Variants in PIGN observed in about 807,000 individuals in gnomAD.
PIGN encodes the protein phosphatidylinositol glycan anchor biosynthesis class N.
A neutral mutation model predicts 125.4 loss-of-function variants in PIGN; 117 were observed. The ratio of observed to expected loss-of-function variants is 0.93; its 90% CI spans 0.80 to 1.09. The LOEUF (loss-of-function observed/expected upper bound fraction) is 1.09. PIGN is among the 50% of genes least tolerant of loss of function. The pLI is 0.00. For synonymous variants in PIGN, 392 were observed against 377.8 expected (o/e 1.04, Z -0.44); for missense variants, 1,075 against 1,094.9 (o/e 0.98, Z 0.26).
intron 28 of PIGN, chr18:62,075,043 A>G (rs1370650434): frequency 5.5e-6 from 2 of 366,132 alleles, no homozygotes; most frequent in Non-Finnish European, 1.0e-5. Context: ...TATTTATTTC[A>G]GTAAAATGAA....
intron 17 of PIGN, among the ~76,000 whole-genome samples, chr18:62,107,764 T>A (rs1260547655): frequency 3.3e-5 from 5 of 152,184 alleles, no homozygotes; most frequent in Non-Finnish European, 5.9e-5. Flanking sequence ...AAAAATTTTT[T>A]AAAATTCACC....
chr18:62,147,871 T>C (rs2036391230), intron 8 of PIGN, among the ~76,000 whole-genome samples: 1 of 152,160 alleles, frequency 6.6e-6, no homozygotes, highest in African/African-American at 2.4e-5. Context: ...TTTGGTGATA[T>C]AAAAGTTAAT....
chr18:62,084,120 T>C (rs1346356110), intron 27 of PIGN, among the ~76,000 whole-genome samples: 3 of 152,184 alleles, frequency 2.0e-5, no homozygotes, highest in South Asian at 2.1e-4. Context: ...TTACTAAATA[T>C]AGCAGAAAAT....
chr18:62,146,576 T>A (rs2036336044), intron 9 of PIGN, among the ~76,000 whole-genome samples: 1 of 152,208 alleles, frequency 6.6e-6, no homozygotes, highest in Non-Finnish European at 1.5e-5. Flanking sequence ...TGTGCACACA[T>A]TGCATTTGCC....
At chr18:62,028,636 G>A (rs1377043820) in intron 23 of PIGN, among the ~76,000 whole-genome samples, 1 of 152,190 alleles carries the variant, frequency 6.6e-6, no homozygotes, top group African/African-American at 2.4e-5. Context: ...ACAGTTCTGA[G>A]CAAGATGCCA....
chr18:62,094,886 A>T (rs2034112129), intron 23 of PIGN, among the ~76,000 whole-genome samples: 1 of 152,162 alleles, frequency 6.6e-6, no homozygotes, highest in South Asian at 2.1e-4. Flanking sequence ...ATCATCTCTT[A>T]TATGAGACTA....
intron 30 of PIGN, among the ~76,000 whole-genome samples, chr18:62,070,762 C>A (rs190583594): frequency 6.6e-6 from 1 of 152,132 alleles, no homozygotes; most frequent in Non-Finnish European, 1.5e-5. Flanking sequence ...TAAAAAGGAA[C>A]CTGACTTTTT....
intron 1 of PIGN, among the ~76,000 whole-genome samples, chr18:62,164,953 G>A (rs1306000600): frequency 6.6e-6 from 1 of 152,178 alleles, no homozygotes; most frequent in Non-Finnish European, 1.5e-5. Flanking sequence ...GGGAGATAAG[G>A]AAGGTTGCTA....
rs1212978837 is a variant in PIGN, at chr18:62,138,986, G to C, written c.1113C>G (p.Phe371Leu). The change falls in exon 13 of 31, where the codon TTC (phenylalanine) becomes TTG (leucine). Residue 371 changes from phenylalanine to leucine, a missense_variant. Around this residue, in one of 3 missense-constraint regions of PIGN, gnomAD observed 915 missense variants for 908.7 expected, o/e 1.01. Coordinates refer to ENST00000640252, the MANE Select transcript of PIGN (RefSeq NM_176787.5). ...FTNAVQILEQFKVKMTQKKEV... is the reference protein window; with the variant it reads ...FTNAVQILEQLKVKMTQKKEV... ...CCTTTTTGAATTTTTTTTTTACCTT[G>C]AACTGTTCAAGAATCTGTACTGCAT... is the stretch of plus-strand genomic sequence containing the variant. 7 of 1,582,312 alleles carry C rather than the reference G, an allele frequency of 4.4e-6. No individual in the cohort carries two copies. The highest frequency in any genetic ancestry group is 4.5e-5 in the East Asian group (2 of 44,436).
chr18:62,154,375 T>G (rs2036644058), intron 7 of PIGN, 170 bp downstream of exon 7: 2 of 512,974 alleles, frequency 3.9e-6, no homozygotes, highest in South Asian at 3.4e-5. Flanking sequence ...AAAACTTCTC[T>G]TATTTATTTA....
chr18:62,091,556 T>C (rs1391492654), intron 23 of PIGN, among the ~76,000 whole-genome samples: 1 of 152,202 alleles, frequency 6.6e-6, no homozygotes, highest in African/African-American at 2.4e-5. Flanking sequence ...AGATATCTGT[T>C]GTAATATTGT....
chr18:62,079,964 A>T (rs941652212), intron 28 of PIGN, among the ~76,000 whole-genome samples: 4 of 152,210 alleles, frequency 2.6e-5, no homozygotes, highest in Admixed American at 2.6e-4. Flanking sequence ...ATTCTGATTC[A>T]AATTTGGATT....
rs1159284358 is a variant in PIGN, at chr18:62,139,020, A to G, written c.1079T>C (p.Met360Thr). 14 of 1,610,208 alleles carry G rather than the reference A, an allele frequency of 8.7e-6. No homozygotes were observed. Among genetic ancestry groups the G allele is most frequent in the Non-Finnish European group, 1.2e-5 (14 of 1,177,930 alleles). Reference protein sequence around the residue: ...NNTDLFKAESMFTNAVQILEQ... With the variant: ...NNTDLFKAESTFTNAVQILEQ... ...AAGAATCTGTACTGCATTTGTAAAC[A>G]TGCTCTCTGCTTTGAAGAGATCAGT... The change falls in exon 13 of 31, where the codon ATG becomes ACG. Residue 360 changes from methionine to threonine, a missense_variant. Physicochemically the swap from Met to Thr is moderately conservative, Grantham distance 81. Transcript: ENST00000640252.
chr18:62,090,724 G>A, intron 23 of PIGN, 146 bp from the exon 24 acceptor site: 1 of 539,728 alleles, frequency 1.9e-6, no homozygotes, highest in Non-Finnish European at 3.2e-6. Context: ...AAGAAAGTAG[G>A]AAAGTAATAT....
At chr18:62,173,935 G>A (rs1189963724) in intron 1 of PIGN, among the ~76,000 whole-genome samples, 1 of 152,052 alleles carries the variant, frequency 6.6e-6, no homozygotes, top group African/African-American at 2.4e-5. Context: ...TCATTTCTCG[G>A]CCGGGTGCGG....
chr18:62,124,969 A>G (rs2035450195), intron 14 of PIGN, among the ~76,000 whole-genome samples: 1 of 152,034 alleles, frequency 6.6e-6, no homozygotes, highest in South Asian at 2.1e-4. Flanking sequence ...CATGAGTAAA[A>G]AATAAAAATC....
rs2036002115 is a variant in PIGN at position 62,138,148 on chromosome 18, T to C, written c.1172+95A>G. ...CACTAATGTATATAAAATGGCAAAC[T>C]GTATAAGTAAACTAATCCTATCACT... is the stretch of plus-strand genomic sequence containing the variant. On this transcript the variant is annotated intron_variant, in intron 14 of 30. Coordinates refer to ENST00000640252, the MANE Select transcript of PIGN (RefSeq NM_176787.5). 4.7e-6 allele frequency: 7 copies of C among 1,474,712 alleles called. No homozygotes were observed. In the East Asian group the frequency reaches 1.5e-4, roughly 32 times the overall value. 91.4% of individuals were successfully genotyped at this position (1,474,712 alleles called of 1,614,324 possible).
intron 30 of PIGN, chr18:62,052,178 G>A (rs2031355469): frequency 6.6e-6 from 1 of 151,704 alleles, no homozygotes; most frequent in Non-Finnish European, 1.5e-5. Context: ...TGTATATTCT[G>A]TTGATTTGGG....
intron 17 of PIGN, 45 bp from the exon 18 acceptor site, chr18:62,107,130 A>C (rs776217452): frequency 1.0e-4 from 120 of 1,157,534 alleles, no homozygotes; most frequent in Non-Finnish European, 1.5e-4. Context: ...GTTAGGTCAT[A>C]CATAGTATAA....
Sources: allele counts gnomAD v4.1 joint callset (sites outside exome capture counted in the v4.1 genomes callset), GRCh38; gene constraint gnomAD v4.1.1; regional missense constraint gnomAD v4.1.1; transcripts MANE v1.5; gene names NCBI Gene and HGNC (gene_info 2026-07-23, HGNC 2026-07-21).